Variants in SEM1 observed in about 807,000 individuals in gnomAD.
SEM1 encodes the protein 26S proteasome complex subunit SEM1.
SEM1 carries 3 observed loss-of-function variants against 12.7 expected under a neutral mutation model. That is an observed-to-expected ratio of 0.24 (90% CI 0.11 to 0.61). The LOEUF (loss-of-function observed/expected upper bound fraction) is 0.61, where lower values mean the gene tolerates loss of function less well. SEM1 is among the 20% of genes least tolerant of loss of function. The pLI, the probability that SEM1 is intolerant of heterozygous loss-of-function variation, is 0.88. For missense variants in SEM1, 59 were observed against 81.3 expected, an observed-to-expected ratio of 0.73 and a Z score of 1.06; for synonymous variants, 30 against 27.8, an observed-to-expected ratio of 1.08 and a Z score of -0.25.
chr7:96,637,712 G>A (rs750325006), intron 2 of SEM1, among the ~76,000 whole-genome samples: 4 of 151,968 alleles, frequency 2.6e-5, no homozygotes, highest in South Asian at 4.1e-4. Flanking sequence ...CCTTTAGTCT[G>A]ACTGTTCTGC....
intron 2 of SEM1, among the ~76,000 whole-genome samples, chr7:96,542,904 A>G (rs1209284555): frequency 6.6e-6 from 1 of 152,026 alleles, no homozygotes; most frequent in African/African-American, 2.4e-5. Context: ...ACAAACAAAT[A>G]AAACAATGGC....
At chr7:96,613,944 C>T (rs1807624581) in intron 2 of SEM1, among the ~76,000 whole-genome samples, 1 of 152,168 alleles carries the variant, frequency 6.6e-6, no homozygotes, top group African/African-American at 2.4e-5. Flanking sequence ...ATCCATTTGT[C>T]CATCAATGGG....
At chr7:96,545,122 G>A (rs1742995501) in intron 2 of SEM1, among the ~76,000 whole-genome samples, 1 of 152,000 alleles carries the variant, frequency 6.6e-6, no homozygotes, top group Non-Finnish European at 1.5e-5. Context: ...GAATCAGGAA[G>A]TGGATGCACC....
chr7:96,486,165 C>T (rs1157764873), intron 2 of SEM1: 6 of 1,160,584 alleles, frequency 5.2e-6, no homozygotes, highest in Admixed American at 5.2e-5. Flanking sequence ...TTTTTTCTAC[C>T]TTTTTTTTTT....
At chr7:96,544,180 C>G (rs560650068) in intron 2 of SEM1, among the ~76,000 whole-genome samples, 2 of 152,096 alleles carry the variant, frequency 1.3e-5, no homozygotes, top group Admixed American at 6.6e-5. Context: ...CTTTTGCTAG[C>G]CTGTCCTTTA....
chr7:96,659,883 G>A (rs1392041477), intron 2 of SEM1, among the ~76,000 whole-genome samples: 3 of 77,094 alleles, frequency 3.9e-5, no homozygotes, highest in Non-Finnish European at 2.6e-5. Flanking sequence ...GAGGAAATGT[G>A]AATCAAATAG....
chr7:96,554,784 C>T lies in SEM1; in HGVS notation c.171-48086G>A, dbSNP rs1805424022. Reference sequence around the variant, plus strand: ...TCAGAAGGAATGGTACCAGTTCCTCCTTGTACCTCTGGTAGAATTCGGCTG... The same window carrying T: ...TCAGAAGGAATGGTACCAGTTCCTCTTTGTACCTCTGGTAGAATTCGGCTG... On this transcript the variant is annotated intron_variant and NMD_transcript_variant, in intron 2 of 3. Transcript: ENST00000466986. Among the ~76,000 whole-genome samples, 3 of 151,326 alleles carry T rather than the reference C, an allele frequency of 2.0e-5. No homozygotes were observed. The South Asian group carries it at 6.3e-4, about 32-fold the overall frequency.
chr7:96,614,691 T>C (rs1470950464), intron 2 of SEM1, among the ~76,000 whole-genome samples: 1 of 152,182 alleles, frequency 6.6e-6, no homozygotes, highest in Non-Finnish European at 1.5e-5. Flanking sequence ...AAGCTTTGGG[T>C]TCTCTATTGT....
intron 1 of SEM1, chr7:96,696,073 G>C (rs370919991): frequency 6.6e-6 from 1 of 151,630 alleles, no homozygotes; most frequent in East Asian, 1.9e-4. Flanking sequence ...ACTTAGAGAG[G>C]GGAAAAATAT....
chr7:96,562,115 C>T (rs116505524), intron 2 of SEM1, among the ~76,000 whole-genome samples: 177 of 152,148 alleles, frequency 1.2e-3, no homozygotes, highest in African/African-American at 3.8e-3. Context: ...TTCATTTTGT[C>T]GAGTTAAAGT....
intron 2 of SEM1, among the ~76,000 whole-genome samples, chr7:96,553,334 C>CG (rs1805359398): frequency 6.6e-6 from 1 of 151,552 alleles, no homozygotes; most frequent in African/African-American, 2.4e-5. Context: ...TTAGGTCTAA[C>CG]ATTTAAGTCT....
At chr7:96,701,751 A>G (rs1790280801) in intron 1 of SEM1, among the ~76,000 whole-genome samples, 1 of 152,210 alleles carries the variant, frequency 6.6e-6, no homozygotes, top group African/African-American at 2.4e-5. Flanking sequence ...TTCATTCATG[A>G]GGTCAGTAAT....
intron 2 of SEM1, among the ~76,000 whole-genome samples, chr7:96,537,751 G>T (rs754005344): frequency 5.9e-5 from 9 of 151,600 alleles, no homozygotes; most frequent in Admixed American, 3.3e-4. Flanking sequence ...GTTTTTCTGG[G>T]TTTTTTGGTT....
chr7:96,647,488 T>C (rs1246610888), intron 2 of SEM1: 1 of 152,210 alleles, frequency 6.6e-6, no homozygotes, highest in African/African-American at 2.4e-5. Flanking sequence ...AGCGATCCGG[T>C]ATCCTAAATA....
intron 2 of SEM1, among the ~76,000 whole-genome samples, chr7:96,634,551 T>C (rs1163774198): frequency 6.7e-6 from 1 of 149,544 alleles, no homozygotes; most frequent in African/African-American, 2.4e-5. Context: ...AATGCTCTTT[T>C]TCTCTCTCTC....
intron 1 of SEM1, among the ~76,000 whole-genome samples, chr7:96,709,259 TAAA>T (rs1451919758): frequency 6.6e-6 from 1 of 152,228 alleles, no homozygotes; most frequent in Non-Finnish European, 1.5e-5. Flanking sequence ...TGTAACATCC[TAAA>T]AGTTAAGCAG....
rs1280751936 is a variant in SEM1, at chr7:96,704,008, CACAT to C, written c.76+5676_76+5679del. Among the ~76,000 whole-genome samples, 137 of 146,364 alleles carry C rather than the reference CACAT, an allele frequency of 9.4e-4. 1 individual carries two copies. The highest frequency in any genetic ancestry group is 3.0e-3 in the African/African-American group (118 of 39,922). On this transcript the variant is annotated intron_variant, in intron 1 of 2. Transcript: ENST00000248566. ...ACACACACACACACACACACACACACACATACATAAAAGAACCAAAGAAAAAACC... is the reference window on the plus strand; with the variant it reads ...ACACACACACACACACACACACACACACATAAAAGAACCAAAGAAAAAACC...
chr7:96,613,089 A>G (rs1163459496), intron 2 of SEM1, among the ~76,000 whole-genome samples: 1 of 152,212 alleles, frequency 6.6e-6, no homozygotes, highest in Non-Finnish European at 1.5e-5. Flanking sequence ...GTTGTGTTTT[A>G]ATGGAAAACC....
chr7:96,585,516 C>G lies in SEM1; in HGVS notation c.171-78818G>C, dbSNP rs572045861. On this transcript the variant is annotated intron_variant and NMD_transcript_variant, in intron 2 of 3. Coordinates refer to the SEM1 transcript ENST00000466986. ...CCACCCAGTTGGAACTTGCCAGCTG[C>G]TTTGTTTACCTAAGCAAGCCTGGGC... Among the ~76,000 whole-genome samples the G allele has an allele frequency of 2.6e-5, 4 of 152,360 alleles. No homozygotes were observed. The East Asian group carries it at 7.7e-4, about 29-fold the overall frequency.
Sources: gnomAD v4.1 joint callset for allele counts (sites outside exome capture counted in the v4.1 genomes callset) on GRCh38, gnomAD v4.1.1 for gene constraint, MANE v1.5 for transcripts, NCBI Gene and HGNC (gene_info 2026-07-23, HGNC 2026-07-21) for gene names.